The following NUP214 variants were observed in gnomAD, a reference collection of about 807,000 sequenced individuals.
NUP214 encodes the protein nucleoporin 214.
A neutral mutation model predicts 196.2 loss-of-function variants in NUP214; 79 were observed. The observed-to-expected ratio is 0.40, with a 90% CI of 0.34 to 0.49. The LOEUF is 0.49. Ranked by LOEUF, NUP214 falls within the 20% of genes least tolerant of loss-of-function variation. The probability of loss-of-function intolerance (pLI) is 0.58; values close to 1 mark genes in which losing one functional copy is unlikely to be tolerated. For synonymous variants in NUP214, 1,020 were observed against 990.5 expected, an observed-to-expected ratio of 1.03 and a Z score of -0.56; for missense variants, 2,468 against 2,539.0, an observed-to-expected ratio of 0.97 and a Z score of 0.60.
intron 24 of NUP214, among the ~76,000 whole-genome samples, chr9:131,182,061 T>C (rs1270206415): frequency 6.6e-6 from 1 of 152,236 alleles, no homozygotes; most frequent in Non-Finnish European, 1.5e-5. Flanking sequence ...ACAACATATC[T>C]TTTCCATCCT....
chr9:131,155,659 G>A (rs1300389593), intron 17 of NUP214, among the ~76,000 whole-genome samples: 7 of 152,152 alleles, frequency 4.6e-5, no homozygotes, highest in Admixed American at 3.9e-4. Flanking sequence ...TTTTGTATAA[G>A]GTGAGAGATG....
In NUP214 at chr9:131,196,266, C is replaced by T. The variant is rs1460393214; in HGVS notation, c.3722-950C>T. ...CCCCACCTGCTGGGTTCCAGCGATT[C>T]TCCTGCCTCAGCCTCCCTAGTAGCT... is the stretch of plus-strand genomic sequence containing the variant. On this transcript the variant is annotated intron_variant, in intron 28 of 35. Coordinates refer to ENST00000359428, the MANE Select transcript of NUP214 (RefSeq NM_005085.4). Among the ~76,000 whole-genome samples, 13 of 152,142 alleles carry T rather than the reference C, an allele frequency of 8.5e-5. No individual in the cohort carries two copies. In the East Asian group the frequency reaches 2.5e-3, roughly 29 times the overall value.
intron 22 of NUP214, 96 bp from the exon 23 acceptor site, chr9:131,175,362 ATT>A: frequency 2.2e-6 from 3 of 1,378,176 alleles, no homozygotes; most frequent in Non-Finnish European, 3.0e-6. Context: ...TAATTTTAGC[ATT>A]TTCCCTGCAG....
At position 131,206,289 on chromosome 9, in the gene NUP214, G is replaced by A. The variant is rs544391584; in HGVS notation, c.5592+4572G>A. ...GCTACCCAAGTAGCTGAGACTACAGGTGCACACACTGTGCCTGGCTAATTT... is the reference window on the plus strand; with the variant it reads ...GCTACCCAAGTAGCTGAGACTACAGATGCACACACTGTGCCTGGCTAATTT... On this transcript the variant is annotated intron_variant, in intron 30 of 35. Coordinates refer to ENST00000359428, the MANE Select transcript of NUP214 (RefSeq NM_005085.4). Among the ~76,000 whole-genome samples, 26 of 151,312 alleles carry A rather than the reference G, an allele frequency of 1.7e-4. No homozygotes were observed. The East Asian group carries it at 4.9e-3, about 28-fold the overall frequency.
rs1187779575 is a variant in NUP214, at chr9:131,130,141, T to TG, written c.593-625_593-624insG. On this transcript the variant is annotated intron_variant, in intron 4 of 35. Transcript: ENST00000359428. The stretch of plus-strand genomic sequence containing the variant: ...AGGAGAATGATTTCTGGTTTTGTTT[T>TG]TTTTTTTTTGTTTTTTTTTTGAGAC... Among the ~76,000 whole-genome samples, 84 of 103,520 alleles carry TG rather than the reference T, an allele frequency of 8.1e-4. 1 individual carries two copies. Among genetic ancestry groups the TG allele is most frequent in the South Asian group, 1.6e-3 (4 of 2,522 alleles). The allele number at this position is 103,520 out of a possible 152,430, so 67.9% of individuals were successfully genotyped here.
In NUP214 at chr9:131,140,700, CAA is replaced by C; in HGVS notation, c.1285_1286del (p.Lys429ValfsTer98). On this transcript the variant is annotated frameshift_variant, in exon 11 of 36. Coordinates refer to ENST00000359428, the MANE Select transcript of NUP214 (RefSeq NM_005085.4). LOFTEE classifies it high-confidence loss of function. ...RLSLEGERQP[K>X]SPGSTPTTPT... ...TTTCATTAGAAGGAGAGCGACAGCCCAAGTCACCAGGTATGTGCCTCTGCCTG... is the reference window on the plus strand; with the variant it reads ...TTTCATTAGAAGGAGAGCGACAGCCCGTCACCAGGTATGTGCCTCTGCCTG... The C allele has an allele frequency of 6.2e-7, 1 of 1,613,376 alleles. No individual in the cohort carries two copies. The highest frequency in any genetic ancestry group is 8.5e-7 in the Non-Finnish European group (1 of 1,179,702).
chr9:131,215,280 T>A lies in NUP214; in HGVS notation c.5661T>A (p.Ser1887Arg), dbSNP rs1834359513. The A allele has an allele frequency of 6.2e-7, 1 of 1,609,660 alleles. No individual in the cohort carries two copies. Among genetic ancestry groups the A allele is most frequent in the African/African-American group, 1.3e-5 (1 of 74,624 alleles). Residue 1887 changes from serine to arginine, a missense_variant, in exon 31 of 36, where the codon AGT becomes AGA. Transcript: ENST00000359428. ...CTGGAAGAGGGGGAGGTTTCTTCAG[T>A]GGCCTTGGAGGAAAACCCAGTCAGG... ...GNTGRGGGFF[S>R]GLGGKPSQDA...
At chr9:131,200,206 G>A (rs1046305339) in intron 29 of NUP214, among the ~76,000 whole-genome samples, 1 of 152,232 alleles carries the variant, frequency 6.6e-6, no homozygotes, top group Non-Finnish European at 1.5e-5. Context: ...GTGCGGAAAG[G>A]TATCTGAGCT....
intron 21 of NUP214, among the ~76,000 whole-genome samples, chr9:131,170,311 A>T (rs1231888856): frequency 6.6e-6 from 1 of 152,168 alleles, no homozygotes; most frequent in African/African-American, 2.4e-5. Flanking sequence ...CTCCGTCTTT[A>T]AAAAAAGAAA....
In NUP214 at chr9:131,125,917, C is replaced by G; in HGVS notation, c.45+168C>G. On this transcript the variant is annotated intron_variant, in intron 1 of 35. Coordinates refer to ENST00000359428, the MANE Select transcript of NUP214 (RefSeq NM_005085.4). This position sits in a 1 kb window ranked among gnomAD's most constrained non-coding sequence, Gnocchi z 4.1. ...CCGCGCCGCTGGCGTGATAGCCCCA[C>G]CGAATGCAGTTTCCCAGTCCCATCC... The G allele has an allele frequency of 3.8e-6, 3 of 780,796 alleles. No individual in the cohort carries two copies. The East Asian group carries it at 8.3e-5, about 22-fold the overall frequency. 48.4% of individuals were successfully genotyped at this position (780,796 alleles called of 1,614,324 possible).
In NUP214 at chr9:131,146,224, G is replaced by A. The variant is rs377681523; in HGVS notation, c.1865G>A (p.Gly622Glu). The change falls in exon 13 of 36, where the codon GGA becomes GAA. Residue 622 changes from glycine to glutamate, a missense_variant. Physicochemically the swap from Gly to Glu is moderately conservative, Grantham distance 98. Around this residue, in one of 5 missense-constraint regions of NUP214, gnomAD observed 1,801 missense variants for 1,779.4 expected, o/e 1.01. Transcript: ENST00000359428. The surrounding 1 kb of genome is among the most constrained non-coding windows in gnomAD (Gnocchi z 4.6). ...TCTGCCTCCAAGCCAGCTGCTTCTG[G>A]ACCACTCAGCCACCCCACACCTCTC... is the stretch of plus-strand genomic sequence containing the variant. ...FSSASKPAASGPLSHPTPLSA... is the reference protein window; with the variant it reads ...FSSASKPAASEPLSHPTPLSA... The A allele has an allele frequency of 1.8e-4, 293 of 1,613,862 alleles. 1 individual carries two copies. The highest frequency in any genetic ancestry group is 3.7e-4 in the Admixed American group (22 of 59,982).
In NUP214 at chr9:131,171,801, G is replaced by C. The variant is rs186185492; in HGVS notation, c.2894-2254G>C. Reference sequence around the variant, plus strand: ...TCCCACCTGTGAGTGAGAACATGCGGTGTTTGGTTTTTTGTCCTTGCAATA... The same window carrying C: ...TCCCACCTGTGAGTGAGAACATGCGCTGTTTGGTTTTTTGTCCTTGCAATA... On this transcript the variant is annotated intron_variant, in intron 21 of 35. Coordinates refer to ENST00000359428, the MANE Select transcript of NUP214 (RefSeq NM_005085.4). Among the ~76,000 whole-genome samples the C allele has an allele frequency of 1.3e-4, 20 of 152,192 alleles. 1 individual carries two copies. The East Asian group carries it at 3.9e-3, about 29-fold the overall frequency.
chr9:131,203,192 A>T (rs997142360), intron 30 of NUP214, among the ~76,000 whole-genome samples: 5 of 150,074 alleles, frequency 3.3e-5, no homozygotes, highest in African/African-American at 1.2e-4. Context: ...TGATCCGCCC[A>T]CCTCAGCCTC....
chr9:131,143,620 C>T (rs1276136057), intron 11 of NUP214, among the ~76,000 whole-genome samples: 1 of 143,212 alleles, frequency 7.0e-6, no homozygotes, highest in Non-Finnish European at 1.6e-5. Flanking sequence ...AATGTGTTTT[C>T]TTTATGTGAG....
Position 131,197,305 on chromosome 9 carries a change from A to G in NUP214, c.3811A>G (p.Ser1271Gly). Residue 1271 changes from serine (S) to glycine (G), a missense_variant, in exon 29 of 36, where the codon AGC becomes GGC. Ser to Gly is a moderately conservative substitution (Grantham distance 56, BLOSUM62 0). This residue lies in a region of NUP214 where 1,801 missense variants were observed against 1,779.4 expected (regional missense o/e 1.01). Coordinates refer to ENST00000359428, the MANE Select transcript of NUP214 (RefSeq NM_005085.4). ...ACCTTCTTATGAGGCCATTCCTGAA[A>G]GCTCACCTCCCTCAGGAATCACATC... The part of the protein sequence containing the change: ...SKPSYEAIPE[S>G]SPPSGITSAS... The G allele has an allele frequency of 6.2e-7, 1 of 1,614,088 alleles. No individual in the cohort carries two copies. The highest frequency in any genetic ancestry group is 8.5e-7 in the Non-Finnish European group (1 of 1,180,016).
chr9:131,214,626 C>G (rs959369087), intron 30 of NUP214, among the ~76,000 whole-genome samples: 1 of 152,218 alleles, frequency 6.6e-6, no homozygotes, highest in Non-Finnish European at 1.5e-5. Context: ...TGCCCCTGTG[C>G]TAGCAGCATC....
At chr9:131,219,610 A>G (rs1834500810) in intron 31 of NUP214, among the ~76,000 whole-genome samples, 1 of 152,222 alleles carries the variant, frequency 6.6e-6, no homozygotes, top group Non-Finnish European at 1.5e-5. Context: ...CTGGGAACCC[A>G]TGGAGACATC....
intron 5 of NUP214, among the ~76,000 whole-genome samples, chr9:131,132,327 T>TGACCTC (rs1831581710): frequency 6.6e-6 from 1 of 152,166 alleles, no homozygotes; most frequent in East Asian, 1.9e-4. Flanking sequence ...TTGGCCAGGC[T>TGACCTC]AGTCTCGAAC....
In NUP214 at chr9:131,129,309, CAT is replaced by C; in HGVS notation, c.426_427del (p.His142GlnfsTer12). 6.2e-7 allele frequency: 1 copy of C among 1,614,236 alleles called. No individual in the cohort carries two copies. Among genetic ancestry groups the C allele is most frequent in the Non-Finnish European group, 8.5e-7 (1 of 1,180,040 alleles). Reference protein sequence around the residue: ...AKQQKRPFAYHKLLKDAGGMV... With the variant: ...AKQQKRPFAYXKLLKDAGGMV... ...ACAGCAAAAACGCCCATTTGCCTAT[CAT>C]AAGCTTTTGAAAGATGCAGGAGGCA... On this transcript the variant is annotated frameshift_variant, in exon 4 of 36. Transcript: ENST00000359428. LOFTEE classifies it high-confidence loss of function.
Sources: gnomAD v4.1 joint callset for allele counts (sites outside exome capture counted in the v4.1 genomes callset) on GRCh38, gnomAD v4.1.1 for gene constraint, gnomAD v4.1.1 regional missense constraint, Gnocchi (gnomAD v3.1) non-coding constraint, MANE v1.5 for transcripts, NCBI Gene and HGNC (gene_info 2026-07-23, HGNC 2026-07-21) for gene names.